Variants in COL14A1 observed in about 807,000 individuals in gnomAD.
COL14A1 encodes collagen type XIV alpha 1 chain.
COL14A1 carries 136 observed loss-of-function variants against 230.3 expected under a neutral mutation model. The observed-to-expected ratio is 0.59, with a 90% CI of 0.51 to 0.68. The LOEUF (loss-of-function observed/expected upper bound fraction) is 0.68. COL14A1 is among the 30% of genes least tolerant of loss of function. The pLI, the probability that COL14A1 is intolerant of heterozygous loss-of-function variation, is 0.00. For missense variants in COL14A1, 1,976 were observed against 2,215.8 expected (o/e 0.89, Z 2.17); for synonymous variants, 792 against 784.1 (o/e 1.01, Z -0.17).
intron 20 of COL14A1, 75 bp from the exon 21 acceptor site, chr8:120,247,538 T>A: frequency 7.4e-7 from 1 of 1,351,916 alleles, no homozygotes; most frequent in Non-Finnish European, 1.0e-6. Flanking sequence ...TGTCTTATAT[T>A]TTGATGGCAT....
At chr8:120,248,208 GA>G (rs894232974) in intron 21 of COL14A1, among the ~76,000 whole-genome samples, 53 of 148,192 alleles carry the variant, frequency 3.6e-4, no homozygotes, top group Admixed American at 8.1e-4. Context: ...ATAGGGGGAA[GA>G]AAAAAAAAAC....
chr8:120,349,822 A>G (rs1218955266), intron 45 of COL14A1, among the ~76,000 whole-genome samples: 2 of 143,124 alleles, frequency 1.4e-5, no homozygotes, highest in South Asian at 2.3e-4. Context: ...GCAGGATATT[A>G]TCCAGGAGAA....
chr8:120,287,665 A>G (rs1007931792), intron 33 of COL14A1, among the ~76,000 whole-genome samples: 5 of 152,150 alleles, frequency 3.3e-5, no homozygotes, highest in African/African-American at 4.8e-5. Flanking sequence ...TAAAAGTTAT[A>G]TGAAGGAAGA....
chr8:120,190,962 T>C (rs1816803914), intron 5 of COL14A1, among the ~76,000 whole-genome samples: 1 of 149,344 alleles, frequency 6.7e-6, no homozygotes, highest in Non-Finnish European at 1.5e-5. Flanking sequence ...TTGCTAGCGG[T>C]CTATCAATTT....
chr8:120,279,455 T>G (rs1207355380), intron 28 of COL14A1, among the ~76,000 whole-genome samples: 2 of 151,638 alleles, frequency 1.3e-5, no homozygotes, highest in African/African-American at 4.9e-5. Context: ...TTAAATTACA[T>G]AAGTTATGGC....
intron 19 of COL14A1, among the ~76,000 whole-genome samples, chr8:120,237,021 C>A (rs1586792645): frequency 6.6e-6 from 1 of 152,188 alleles, no homozygotes. Flanking sequence ...TTGTGGGTAG[C>A]CCAACCTTTC....
chr8:120,189,011 G>T (rs906157155), intron 5 of COL14A1, among the ~76,000 whole-genome samples: 1 of 152,202 alleles, frequency 6.6e-6, no homozygotes, highest in Admixed American at 6.5e-5. Flanking sequence ...TTTGCCAGTG[G>T]AGAGTAATGT....
intron 1 of COL14A1, among the ~76,000 whole-genome samples, chr8:120,143,540 A>G (rs866964111): frequency 9.2e-5 from 14 of 152,194 alleles, no homozygotes; most frequent in Admixed American, 1.3e-4. Flanking sequence ...CTGAGGCAGA[A>G]GAATTGCTTG....
chr8:120,371,189 A>T lies in COL14A1; in HGVS notation c.5349A>T (p.Gln1783His), dbSNP rs1823573989. 6.2e-7 allele frequency: 1 copy of T among 1,611,562 alleles called. No homozygotes were observed. Among genetic ancestry groups the T allele is most frequent in the East Asian group, 2.2e-5 (1 of 44,670 alleles). The change falls in exon 48 of 48, where the codon CAA (glutamine) becomes CAT (histidine). Residue 1783 changes from glutamine to histidine, a missense_variant. This residue lies in a region of COL14A1 where 1,791 missense variants were observed against 2,019.5 expected (regional missense o/e 0.89). Coordinates refer to ENST00000297848, the MANE Select transcript of COL14A1 (RefSeq NM_021110.4). ...ATCAGCCAGAGTTCACCCCTGTCCA[A>T]GATGAGCTGGAAGCCATGGAACTGT... Reference protein sequence around the residue: ...HPDQPEFTPVQDELEAMELWG... With the variant: ...HPDQPEFTPVHDELEAMELWG...
In COL14A1 at chr8:120,285,961, C is replaced by T; in HGVS notation, c.4068C>T (p.Ser1356=). 1 of 1,562,630 alleles carries T rather than the reference C, an allele frequency of 6.4e-7. No individual in the cohort carries two copies. The highest frequency in any genetic ancestry group is 8.8e-7 in the Non-Finnish European group (1 of 1,133,728). The change falls in exon 33 of 48, where the codon AGC becomes AGT. Residue 1356 remains serine, a synonymous_variant. Transcript: ENST00000297848. ...GPEIRKIFYG[S]FHKLHIVVSE... ...AAATTAGGAAAATTTTTTATGGAAG[C>T]TTTCACAAGGTTAGTAATGCTTTGT...
At chr8:120,370,260 C>T in intron 47 of COL14A1, 2 of 1,482,382 alleles carry the variant, frequency 1.3e-6, no homozygotes, top group Non-Finnish European at 1.9e-6. Context: ...AATTGGTCAA[C>T]AAAGTTTTGC....
chr8:120,342,978 G>C (rs551587519), intron 44 of COL14A1, among the ~76,000 whole-genome samples: 3 of 152,250 alleles, frequency 2.0e-5, no homozygotes, highest in South Asian at 4.1e-4. Flanking sequence ...ACATGAACAG[G>C]CTTGCTCTGA....
intron 44 of COL14A1, among the ~76,000 whole-genome samples, chr8:120,344,867 A>T (rs2130283805): frequency 6.6e-6 from 1 of 152,210 alleles, no homozygotes; most frequent in Non-Finnish European, 1.5e-5. Flanking sequence ...AAAAATATAA[A>T]GCTAGTGGGA....
At chr8:120,187,393 C>A (rs1816683423) in intron 5 of COL14A1, among the ~76,000 whole-genome samples, 1 of 151,988 alleles carries the variant, frequency 6.6e-6, no homozygotes, top group South Asian at 2.1e-4. Context: ...AGTCTATTTC[C>A]TCTCACTAAG....
intron 26 of COL14A1, among the ~76,000 whole-genome samples, chr8:120,274,017 G>A (rs755569983): frequency 6.6e-6 from 1 of 151,578 alleles, no homozygotes; most frequent in Non-Finnish European, 1.5e-5. Flanking sequence ...ACCAGTAGAG[G>A]ACATAATGAA....
chr8:120,172,115 C>A (rs1269631877), intron 5 of COL14A1, among the ~76,000 whole-genome samples: 1 of 151,822 alleles, frequency 6.6e-6, no homozygotes, highest in African/African-American at 2.4e-5. Context: ...TTCAATAATT[C>A]TATTATTAAA....
In COL14A1 at chr8:120,357,656, G is replaced by A. The variant is rs117544322; in HGVS notation, c.5078-9515G>A. 5.5e-3 allele frequency among the ~76,000 whole-genome samples: 844 copies of A among 152,138 alleles called. 3 individuals carry two copies. The highest frequency in any genetic ancestry group is 8.3e-3 in the Non-Finnish European group (563 of 68,010). On this transcript the variant is annotated intron_variant, in intron 45 of 47. Coordinates refer to ENST00000297848, the MANE Select transcript of COL14A1 (RefSeq NM_021110.4). ...ACAAGTCCTTCTGGCTGTGCATTGCGAAGAGGGTGATGCTCTCATCCACGA... is the reference window on the plus strand; with the variant it reads ...ACAAGTCCTTCTGGCTGTGCATTGCAAAGAGGGTGATGCTCTCATCCACGA...
chr8:120,345,593 T>A (rs748272099), intron 45 of COL14A1, 30 bp downstream of exon 45: 1 of 1,484,886 alleles, frequency 6.7e-7, no homozygotes, highest in Admixed American at 2.7e-5. Flanking sequence ...TCAGAGGAAC[T>A]CCTCTGAGTT....
In COL14A1 at chr8:120,203,877, T is replaced by G; in HGVS notation, c.1039+7T>G. 6.2e-7 allele frequency: 1 copy of G among 1,612,734 alleles called. No individual in the cohort carries two copies. Among genetic ancestry groups the G allele is most frequent in the Non-Finnish European group, 8.5e-7 (1 of 1,179,176 alleles). ...CAGGACAGAGAAATTAAAGGTAAAATGAGTGACAGAGCAGTCCTGTGGATG... is the reference window on the plus strand; with the variant it reads ...CAGGACAGAGAAATTAAAGGTAAAAGGAGTGACAGAGCAGTCCTGTGGATG... On this transcript the variant is annotated splice_region_variant and intron_variant, in intron 9 of 47. Coordinates refer to ENST00000297848, the MANE Select transcript of COL14A1 (RefSeq NM_021110.4).
Sources: gnomAD v4.1 joint callset for allele counts (sites outside exome capture counted in the v4.1 genomes callset) on GRCh38, gnomAD v4.1.1 for gene constraint, gnomAD v4.1.1 regional missense constraint, MANE v1.5 for transcripts, NCBI Gene and HGNC (gene_info 2026-07-23, HGNC 2026-07-21) for gene names.